DLG2: variants seen among roughly 807,000 people sequenced by gnomAD.
DLG2 encodes discs large MAGUK scaffold protein 2.
A neutral mutation model predicts 132.5 loss-of-function variants in DLG2; 45 were observed. The observed-to-expected ratio is 0.34, with a 90% CI of 0.27 to 0.44. The LOEUF (loss-of-function observed/expected upper bound fraction) is 0.44. Among genes scored for constraint, DLG2 ranks in the 20% least tolerant of loss-of-function variants. The pLI, the probability that DLG2 is intolerant of heterozygous loss-of-function variation, is 1.00. For synonymous variants in DLG2, 424 were observed against 419.6 expected (o/e 1.01, Z -0.13); for missense variants, 1,045 against 1,196.9 (o/e 0.87, Z 1.87).
intron 5 of DLG2, among the ~76,000 whole-genome samples, chr11:85,117,802 TTTAA>T (rs1292957499): frequency 3.3e-5 from 5 of 152,174 alleles, no homozygotes; most frequent in African/African-American, 9.6e-5. Context: ...ACTGAGCAAT[TTTAA>T]TTAATACATT....
chr11:83,742,719 C>T (rs1218695561), intron 18 of DLG2, among the ~76,000 whole-genome samples: 2 of 152,178 alleles, frequency 1.3e-5, no homozygotes, highest in Non-Finnish European at 2.9e-5. Flanking sequence ...ACATTTCAAA[C>T]CTTCCCAAAA....
At chr11:85,372,909 C>G (rs1475489165) in intron 3 of DLG2, among the ~76,000 whole-genome samples, 1 of 152,182 alleles carries the variant, frequency 6.6e-6, no homozygotes, top group Non-Finnish European at 1.5e-5. Flanking sequence ...AGATGGGTAG[C>G]CACTCACCTT....
At chr11:85,286,377 C>T (rs1322535968) in intron 3 of DLG2, among the ~76,000 whole-genome samples, 3 of 151,964 alleles carry the variant, frequency 2.0e-5, no homozygotes, top group Non-Finnish European at 4.4e-5. Context: ...AATGTAGATA[C>T]AGATGAATAC....
chr11:84,260,058 C>A (rs968236308), intron 7 of DLG2, among the ~76,000 whole-genome samples: 15 of 152,084 alleles, frequency 9.9e-5, no homozygotes, highest in Non-Finnish European at 1.9e-4. Context: ...CTTTAAAATA[C>A]AAAGTAGTAA....
intron 18 of DLG2, among the ~76,000 whole-genome samples, chr11:83,695,281 C>T (rs2081691411): frequency 6.6e-6 from 1 of 152,202 alleles, no homozygotes; most frequent in African/African-American, 2.4e-5. Flanking sequence ...AGCCCAGCCC[C>T]TGCCCTTAAG....
chr11:83,747,685 T>C (rs2093020919), intron 18 of DLG2, among the ~76,000 whole-genome samples: 1 of 151,850 alleles, frequency 6.6e-6, no homozygotes, highest in Admixed American at 6.6e-5. Context: ...GCACCCGGTT[T>C]TGAATTTTCT....
chr11:84,933,641 T>C (rs2048350227), intron 6 of DLG2, among the ~76,000 whole-genome samples: 1 of 152,156 alleles, frequency 6.6e-6, no homozygotes, highest in African/African-American at 2.4e-5. Context: ...TGGGAGTTCA[T>C]TCATGATTCG....
At chr11:83,542,097 GCTT>G (rs2141532138) in intron 19 of DLG2, among the ~76,000 whole-genome samples, 1 of 152,152 alleles carries the variant, frequency 6.6e-6, no homozygotes, top group South Asian at 2.1e-4. Context: ...ACTGAGATCT[GCTT>G]CTTTTCTTGG....
chr11:83,510,213 T>TTCCCTCCC (rs894520837), intron 21 of DLG2, among the ~76,000 whole-genome samples: 1 of 151,490 alleles, frequency 6.6e-6, no homozygotes, highest in Admixed American at 6.6e-5. Context: ...CCTCCCCTCA[T>TTCCCTCCC]TCCCTCCCTC....
chr11:84,009,440 T>C (rs953882298), intron 11 of DLG2, among the ~76,000 whole-genome samples: 1 of 152,118 alleles, frequency 6.6e-6, no homozygotes, highest in African/African-American at 2.4e-5. Flanking sequence ...ATGCTTCCTA[T>C]TCTTTATATG....
intron 6 of DLG2, among the ~76,000 whole-genome samples, chr11:84,541,658 C>G (rs1378620229): frequency 5.3e-5 from 8 of 152,094 alleles, no homozygotes; most frequent in African/African-American, 1.9e-4. Context: ...CAATGCCCAA[C>G]CGACAAATGA....
chr11:84,255,273 C>A (rs1198642853), intron 7 of DLG2, among the ~76,000 whole-genome samples: 1 of 152,112 alleles, frequency 6.6e-6, no homozygotes, highest in Non-Finnish European at 1.5e-5. Flanking sequence ...TGATAGTTCC[C>A]ACCAAGTATT....
chr11:85,179,423 T>C (rs979369239), intron 4 of DLG2, among the ~76,000 whole-genome samples: 5 of 151,912 alleles, frequency 3.3e-5, no homozygotes, highest in African/African-American at 9.7e-5. Context: ...ATATGAAGTA[T>C]TGTATGGATA....
At chr11:83,965,566 T>C in intron 12 of DLG2, 98 bp from the exon 13 acceptor site, 1 of 960,288 alleles carries the variant, frequency 1.0e-6, no homozygotes, top group Non-Finnish European at 1.6e-6. Flanking sequence ...TTGTGATAAT[T>C]ACTGTCCAGT....
chr11:83,753,417 T>C (rs1393949140), intron 18 of DLG2, among the ~76,000 whole-genome samples: 1 of 151,876 alleles, frequency 6.6e-6, no homozygotes. Flanking sequence ...AGCAAGGCTC[T>C]CTCTCTCAAA....
rs571484671 is a variant in DLG2, at chr11:85,532,934, T to C, written c.40+65723A>G. On this transcript the variant is annotated intron_variant, in intron 3 of 27. Transcript: ENST00000376104. The stretch of plus-strand genomic sequence containing the variant: ...ACAATGCATTTTGTTAAAGTATACA[T>C]TTTAGAAACAGGTTATCTTAGAATA... 9.2e-5 allele frequency among the ~76,000 whole-genome samples: 14 copies of C among 152,342 alleles called. 1 individual carries two copies. The highest frequency in any genetic ancestry group is 3.1e-4 in the African/African-American group (13 of 41,588).
intron 11 of DLG2, among the ~76,000 whole-genome samples, chr11:84,057,099 T>C (rs553764701): frequency 6.6e-6 from 1 of 152,232 alleles, no homozygotes; most frequent in African/African-American, 2.4e-5. Flanking sequence ...CATTTCCCCA[T>C]TCCAGGTCCC....
intron 6 of DLG2, among the ~76,000 whole-genome samples, chr11:84,780,238 A>G (rs1041816098): frequency 4.6e-5 from 7 of 152,176 alleles, no homozygotes; most frequent in Admixed American, 2.6e-4. Flanking sequence ...ATATTCTCAA[A>G]TTAATAAATA....
chr11:85,224,023 C>G (rs1207930699), intron 4 of DLG2, among the ~76,000 whole-genome samples: 1 of 152,166 alleles, frequency 6.6e-6, no homozygotes, highest in East Asian at 1.9e-4. Flanking sequence ...CTCTTTGTAC[C>G]TTAGTTTTTA....
Sources: gnomAD v4.1 joint callset for allele counts (sites outside exome capture counted in the v4.1 genomes callset) on GRCh38, gnomAD v4.1.1 for gene constraint, MANE v1.5 for transcripts, NCBI Gene and HGNC (gene_info 2026-07-23, HGNC 2026-07-21) for gene names.